GLTP: variants seen among roughly 807,000 people sequenced by gnomAD.
The protein encoded by GLTP is glycolipid transfer protein.
A neutral mutation model predicts 24.0 loss-of-function variants in GLTP; 22 were observed. That is an observed-to-expected ratio of 0.92 (90% CI 0.65 to 1.31). The LOEUF (loss-of-function observed/expected upper bound fraction) is 1.31, where lower values mean the gene tolerates loss of function less well. Among genes scored for constraint, GLTP ranks in the 50% most tolerant of loss-of-function variants. The pLI is 0.00. For synonymous variants in GLTP, 92 were observed against 115.9 expected, an observed-to-expected ratio of 0.79 and a Z score of 1.33; for missense variants, 224 against 276.6, an observed-to-expected ratio of 0.81 and a Z score of 1.35.
At chr12:109,868,619 A>G (rs1868617576) in intron 1 of GLTP, among the ~76,000 whole-genome samples, 2 of 152,198 alleles carry the variant, frequency 1.3e-5, no homozygotes, top group Admixed American at 1.3e-4. Flanking sequence ...ACCTAACCCA[A>G]TTCATAAACA....
chr12:109,863,739 C>G (rs1047089879), intron 1 of GLTP, among the ~76,000 whole-genome samples: 5 of 152,202 alleles, frequency 3.3e-5, no homozygotes, highest in African/African-American at 1.2e-4. Context: ...AGGTGTCACA[C>G]GTGCAAAGTG....
In GLTP at chr12:109,857,932, G is replaced by A. The variant is rs1318617702; in HGVS notation, c.163-273C>T. On this transcript the variant is annotated intron_variant, in intron 2 of 4. Transcript: ENST00000318348. The surrounding 1 kb of genome is among the most constrained non-coding windows in gnomAD (Gnocchi z 4.3). ...AGGCAGAGACACTGAGGCTCACAGA[G>A]GAGCACGGACTTGCCCAAGGTCACA... 2.1e-6 allele frequency: 1 copy of A among 487,492 alleles called. No homozygotes were observed. The highest frequency in any genetic ancestry group is 3.8e-6 in the Non-Finnish European group (1 of 265,040). 30.2% of individuals were successfully genotyped at this position (487,492 alleles called of 1,614,324 possible).
chr12:109,857,730 GAA>G lies in GLTP; in HGVS notation c.163-73_163-72del. ...TAGACATCTGGCCCGCACGCTGGGT[GAA>G]AAGCACCCTACCGGCATCTCCTGCT... On this transcript the variant is annotated intron_variant, in intron 2 of 4. Coordinates refer to ENST00000318348, the MANE Select transcript of GLTP (RefSeq NM_016433.4). This position sits in a 1 kb window ranked among gnomAD's most constrained non-coding sequence, Gnocchi z 4.3. 1.3e-6 allele frequency: 2 copies of G among 1,513,132 alleles called. No individual in the cohort carries two copies. Among genetic ancestry groups the G allele is most frequent in the Non-Finnish European group, 1.8e-6 (2 of 1,088,096 alleles). The allele number at this position is 1,513,132 out of a possible 1,614,324, so 93.7% of individuals were successfully genotyped here. A position where few individuals can be genotyped will look rare whatever the true frequency, so the allele number is the denominator to read the frequency against.
At chr12:109,874,791 ACTCTG>A (rs1868833895) in intron 1 of GLTP, among the ~76,000 whole-genome samples, 1 of 152,098 alleles carries the variant, frequency 6.6e-6, no homozygotes, top group Non-Finnish European at 1.5e-5. Flanking sequence ...ACGGAGTCTC[ACTCTG>A]CTGCCCAGGC....
Position 109,855,715 on chromosome 12 carries a change from G to A in GLTP, c.351C>T (p.Asp117=), listed in dbSNP as rs1034902086. 1.4e-5 allele frequency: 23 copies of A among 1,609,106 alleles called. No individual in the cohort carries two copies. Among genetic ancestry groups the A allele is most frequent in the Middle Eastern group, 1.7e-4 (1 of 6,026 alleles). The change falls in exon 4 of 5, where the codon GAC becomes GAT. Residue 117 remains aspartate (D), a synonymous_variant. Coordinates refer to ENST00000318348, the MANE Select transcript of GLTP (RefSeq NM_016433.4). This position sits in a 1 kb window ranked among gnomAD's most constrained non-coding sequence, Gnocchi z 4.1. ...FLQSICDGER[D]ENHPNLIRVN... ...CACGGATGAGGTTGGGGTGGTTCTC[G>A]TCCCGCTCCCCGTCGCAGATGCTCT... is the stretch of plus-strand genomic sequence containing the variant.
intron 1 of GLTP, among the ~76,000 whole-genome samples, chr12:109,874,587 ATCTCATGCAGCAC>A (rs1343199098): frequency 6.6e-6 from 1 of 152,142 alleles, no homozygotes; most frequent in African/African-American, 2.4e-5. Context: ...AATAGGTATC[ATCTCATGCAGCAC>A]TCTAACTGAC....
At chr12:109,874,597 G>A (rs1341942911) in intron 1 of GLTP, among the ~76,000 whole-genome samples, 1 of 152,138 alleles carries the variant, frequency 6.6e-6, no homozygotes, top group African/African-American at 2.4e-5. Context: ...ATCTCATGCA[G>A]CACTCTAACT....
At chr12:109,870,654 G>C (rs1173831780) in intron 1 of GLTP, among the ~76,000 whole-genome samples, 1 of 152,046 alleles carries the variant, frequency 6.6e-6, no homozygotes, top group African/African-American at 2.4e-5. Flanking sequence ...GAAGGGAGGA[G>C]GGAGAAAAAG....
chr12:109,852,777 G>C (rs771909767), intron 4 of GLTP, 40 bp from the exon 5 acceptor site: 1 of 1,404,972 alleles, frequency 7.1e-7, no homozygotes, highest in African/African-American at 1.4e-5. Flanking sequence ...CAGCGTTAGC[G>C]GGGGCTGAGG....
At chr12:109,869,635 TG>T (rs1272326401) in intron 1 of GLTP, among the ~76,000 whole-genome samples, 10 of 150,414 alleles carry the variant, frequency 6.6e-5, no homozygotes, top group African/African-American at 2.4e-4. Context: ...TTTTTTTTTT[TG>T]TTTTTTTGTA....
chr12:109,880,230 G>T lies in GLTP; in HGVS notation c.103+42C>A. 1 of 1,174,578 alleles carries T rather than the reference G, an allele frequency of 8.5e-7. No individual in the cohort carries two copies. Among genetic ancestry groups the T allele is most frequent in the Non-Finnish European group, 1.2e-6 (1 of 801,228 alleles). 72.8% of individuals were successfully genotyped at this position (1,174,578 alleles called of 1,614,324 possible). On this transcript the variant is annotated intron_variant, in intron 1 of 4. Transcript: ENST00000318348. This position sits in a 1 kb window ranked among gnomAD's most constrained non-coding sequence, Gnocchi z 5.1. ...CTCGGGGGAAGGAGGATTCGGGTGC[G>T]CGTGGGGCTGCGGGCCGCCTCCCCC...
rs2136042460 is a variant in GLTP, at chr12:109,855,567, G to A, written c.447+52C>T. 1 of 1,482,812 alleles carries A rather than the reference G, an allele frequency of 6.7e-7. No homozygotes were observed. The highest frequency in any genetic ancestry group is 9.1e-7 in the Non-Finnish European group (1 of 1,102,868). The allele number at this position is 1,482,812 out of a possible 1,614,324, so 91.9% of individuals were successfully genotyped here. A position where few individuals can be genotyped will look rare whatever the true frequency, so the allele number is the denominator to read the frequency against. On this transcript the variant is annotated intron_variant, in intron 4 of 4. Transcript: ENST00000318348. The surrounding 1 kb of genome is among the most constrained non-coding windows in gnomAD (Gnocchi z 4.1). Reference sequence around the variant, plus strand: ...CCTCGGCTAAGCAGGGGCAGAGTGGGGAGCAGAATCTGCAAGCTGGTGGTC... The same window carrying A: ...CCTCGGCTAAGCAGGGGCAGAGTGGAGAGCAGAATCTGCAAGCTGGTGGTC...
chr12:109,855,672 AG>A lies in GLTP; in HGVS notation c.393del (p.Tyr132ThrfsTer31). The A allele has an allele frequency of 6.2e-7, 1 of 1,607,118 alleles. No individual in the cohort carries two copies. The highest frequency in any genetic ancestry group is 8.5e-7 in the Non-Finnish European group (1 of 1,177,040). ...TGGTACTTCTTGAGGGCCATCTCGTAGGCCTTGGTGGCGTTGACACGGATGA... is the reference window on the plus strand; with the variant it reads ...TGGTACTTCTTGAGGGCCATCTCGTAGCCTTGGTGGCGTTGACACGGATGA... The part of the protein sequence containing the change: ...PNLIRVNATK[A>X]YEMALKKYHG... On this transcript the variant is annotated frameshift_variant, in exon 4 of 5. Transcript: ENST00000318348. LOFTEE classifies it high-confidence loss of function. The surrounding 1 kb of genome is among the most constrained non-coding windows in gnomAD (Gnocchi z 4.1).
chr12:109,861,120 A>G (rs4766639), intron 1 of GLTP, among the ~76,000 whole-genome samples: 88,975 of 151,986 alleles, frequency 0.59, 26,889 homozygotes, highest in African/African-American at 0.66. Flanking sequence ...CAGTGTGGGC[A>G]CCAAGTGACC....
chr12:109,871,152 C>T (rs1282100081), intron 1 of GLTP, among the ~76,000 whole-genome samples: 8 of 144,700 alleles, frequency 5.5e-5, no homozygotes, highest in South Asian at 2.2e-4. Context: ...GGCGTGATCT[C>T]GACTCACTGT....
intron 1 of GLTP, among the ~76,000 whole-genome samples, chr12:109,863,583 G>C (rs935270472): frequency 5.9e-5 from 9 of 152,172 alleles, no homozygotes; most frequent in African/African-American, 2.2e-4. Flanking sequence ...CCCTCCTATG[G>C]TTCAGACTGA....
chr12:109,856,239 T>C (rs1892793926), intron 3 of GLTP, among the ~76,000 whole-genome samples: 1 of 152,192 alleles, frequency 6.6e-6, no homozygotes, highest in Non-Finnish European at 1.5e-5. Flanking sequence ...GCCCTCAGCA[T>C]CTTTCTAAGT....
Position 109,852,441 on chromosome 12 carries a change from C to T in GLTP, c.*114G>A, listed in dbSNP as rs932156387. On this transcript the variant is annotated 3_prime_UTR_variant, in exon 5 of 5. Transcript: ENST00000318348. Reference sequence around the variant, plus strand: ...CTGCAGACTCTGGCAGGACCCTGGGCTGCTCTGGGGGACACAGGCCAGGGG... The same window carrying T: ...CTGCAGACTCTGGCAGGACCCTGGGTTGCTCTGGGGGACACAGGCCAGGGG... 7 of 675,880 alleles carry T rather than the reference C, an allele frequency of 1.0e-5. No homozygotes were observed. The highest frequency in any genetic ancestry group is 1.6e-5 in the Non-Finnish European group (6 of 377,530). The allele number at this position is 675,880 out of a possible 1,614,324, so 41.9% of individuals were successfully genotyped here.
intron 1 of GLTP, among the ~76,000 whole-genome samples, chr12:109,878,775 GC>G (rs1868964159): frequency 2.0e-5 from 3 of 152,180 alleles, no homozygotes; most frequent in Admixed American, 6.5e-5. Flanking sequence ...TCTGCTATGT[GC>G]CAGGCACTGT....
Sources: gnomAD v4.1 joint callset for allele counts (sites outside exome capture counted in the v4.1 genomes callset) on GRCh38, gnomAD v4.1.1 for gene constraint, Gnocchi (gnomAD v3.1) non-coding constraint, MANE v1.5 for transcripts, NCBI Gene and HGNC (gene_info 2026-07-23, HGNC 2026-07-21) for gene names.